Variants in PPEF1 observed in about 807,000 individuals in gnomAD.
PPEF1 encodes protein phosphatase with EF-hand domain 1, also known as serine/threonine-protein phosphatase with EF-hands 1.
A neutral mutation model predicts 53.3 loss-of-function variants in PPEF1; 12 were observed. The observed-to-expected ratio is 0.23, with a 90% CI of 0.14 to 0.36. The LOEUF (loss-of-function observed/expected upper bound fraction) is 0.36, where lower values mean the gene tolerates loss of function less well. Among genes scored for constraint, PPEF1 ranks in the 10% least tolerant of loss-of-function variants. The pLI is 1.00. For synonymous variants in PPEF1, 165 were observed against 176.7 expected, an observed-to-expected ratio of 0.93 and a Z score of 0.52; for missense variants, 334 against 490.4, an observed-to-expected ratio of 0.68 and a Z score of 3.01.
chrX:18,801,983 CAAAAAAAAAA>C (rs1208583667), intron 10 of PPEF1, among the ~76,000 whole-genome samples: 2 of 50,571 alleles, frequency 4.0e-5, no homozygotes, highest in Admixed American at 2.5e-4. Flanking sequence ...GACTCCATCA[CAAAAAAAAAA>C]AAAAGAAAAG....
upstream of PPEF1, among the ~76,000 whole-genome samples, chrX:18,702,737 C>T (rs553484530): frequency 1.8e-5 from 2 of 110,822 alleles, no homozygotes; most frequent in Middle Eastern, 4.7e-3. Flanking sequence ...AACCTTTTAG[C>T]GGAAGGCTTT....
chrX:18,751,122 G>GT (rs1460370647), intron 4 of PPEF1, among the ~76,000 whole-genome samples: 3 of 111,629 alleles, frequency 2.7e-5, no homozygotes, highest in Non-Finnish European at 3.8e-5. Context: ...TCTGTAGGTT[G>GT]TTTTTTCATT....
chrX:18,744,906 G>A (rs2045288123), intron 3 of PPEF1, among the ~76,000 whole-genome samples: 1 of 105,876 alleles, frequency 9.4e-6, no homozygotes, highest in Non-Finnish European at 1.9e-5. Context: ...TCCCCTTTTT[G>A]TAGATATGGA....
At chrX:18,795,630 G>C (rs147174224) in intron 10 of PPEF1, among the ~76,000 whole-genome samples, 6 of 111,332 alleles carry the variant, frequency 5.4e-5, no homozygotes, top group Non-Finnish European at 1.1e-4. Context: ...GAAATTTAGC[G>C]TTTTTCTAAA....
At chrX:18,743,738 C>T (rs757983298) in intron 3 of PPEF1, among the ~76,000 whole-genome samples, 122 of 106,433 alleles carry the variant, frequency 1.1e-3, no homozygotes, top group Non-Finnish European at 2.0e-3. Flanking sequence ...CATGAGCCAC[C>T]GCTCCCGACC....
At chrX:18,803,296 G>A (rs753813833) in intron 10 of PPEF1, among the ~76,000 whole-genome samples, 2 of 113,071 alleles carry the variant, frequency 1.8e-5, no homozygotes, top group African/African-American at 3.2e-5. Context: ...GCCTTTCAGC[G>A]GTTTTCCGCC....
At chrX:18,803,092 G>T (rs770250679) in intron 10 of PPEF1, among the ~76,000 whole-genome samples, 48 of 112,110 alleles carry the variant, frequency 4.3e-4, no homozygotes, top group Non-Finnish European at 7.5e-4. Context: ...CCCAAACACA[G>T]ATTTACCCAC....
upstream of PPEF1, among the ~76,000 whole-genome samples, chrX:18,681,692 T>C (rs1383099879): frequency 8.9e-6 from 1 of 112,010 alleles, no homozygotes; most frequent in African/African-American, 3.2e-5. Context: ...CCATGTAGGA[T>C]TTTGACACCA....
chrX:18,804,972 C>T (rs986747613), intron 11 of PPEF1, among the ~76,000 whole-genome samples: 10 of 110,969 alleles, frequency 9.0e-5, no homozygotes, highest in Non-Finnish European at 1.9e-4. Flanking sequence ...CTGGGATGCA[C>T]CGTTTCTTTT....
intron 5 of PPEF1, among the ~76,000 whole-genome samples, chrX:18,759,291 T>C (rs2045611476): frequency 9.0e-6 from 1 of 111,650 alleles, no homozygotes; most frequent in Admixed American, 9.6e-5. Flanking sequence ...AAAAATTTCA[T>C]GATTATTTAT....
intron 3 of PPEF1, among the ~76,000 whole-genome samples, chrX:18,687,229 C>G (rs1369574054): frequency 9.0e-6 from 1 of 111,225 alleles, no homozygotes; most frequent in Admixed American, 9.7e-5. Flanking sequence ...GGGAGCCTAG[C>G]AAATCAAGTT....
intron 9 of PPEF1, among the ~76,000 whole-genome samples, chrX:18,787,756 CAAA>C (rs11444215): frequency 0.015 from 782 of 52,551 alleles, 5 homozygotes; most frequent in Middle Eastern, 0.029. Context: ...CCCATCTTTA[CAAA>C]AAAAAAAAAA....
intron 4 of PPEF1, among the ~76,000 whole-genome samples, chrX:18,751,412 A>G (rs1833102990): frequency 8.9e-6 from 1 of 112,350 alleles, no homozygotes; most frequent in African/African-American, 3.2e-5. Flanking sequence ...GCATATGGAT[A>G]TGCATTGTCC....
intron 6 of PPEF1, among the ~76,000 whole-genome samples, chrX:18,776,786 G>C (rs1223022422): frequency 9.0e-6 from 1 of 111,218 alleles, no homozygotes; most frequent in East Asian, 2.8e-4. Context: ...CAGGCGTGGT[G>C]GCAGGTGCCT....
intron 3 of PPEF1, among the ~76,000 whole-genome samples, chrX:18,743,418 C>CT (rs1265342119): frequency 2.0e-5 from 2 of 99,019 alleles, no homozygotes; most frequent in Non-Finnish European, 4.0e-5. Context: ...AAGTTGCTCA[C>CT]TTTTTTTCTT....
In PPEF1 at chrX:18,685,510, C is replaced by G. The variant is rs1009080959; in HGVS notation, c.-519-628C>G. On this transcript the variant is annotated intron_variant, in intron 2 of 21. Coordinates refer to the PPEF1 transcript ENST00000361511. Reference sequence around the variant, plus strand: ...ACCATCCTGGCTAACACGGTGAAACCCCATCTCTACTAAAAATACAAAAAA... The same window carrying G: ...ACCATCCTGGCTAACACGGTGAAACGCCATCTCTACTAAAAATACAAAAAA... Among the ~76,000 whole-genome samples the G allele has an allele frequency of 2.7e-5, 3 of 109,673 alleles. No individual in the cohort carries two copies. In the Admixed American group the frequency reaches 2.9e-4, roughly 11 times the overall value.
intron 1 of PPEF1, among the ~76,000 whole-genome samples, chrX:18,723,907 C>T (rs2044646796): frequency 1.8e-5 from 2 of 110,464 alleles, no homozygotes; most frequent in African/African-American, 6.6e-5. Flanking sequence ...GTGCCTCAGC[C>T]TCCCAAGTAG....
chrX:18,825,698 G>T, intron 14 of PPEF1, 53 bp from the exon 15 acceptor site: 1 of 765,188 alleles, frequency 1.3e-6, no homozygotes, highest in Non-Finnish European at 1.9e-6. Flanking sequence ...TGCTAAAAGC[G>T]ATCAGTGTCA....
chrX:18,686,025 T>C lies in PPEF1; in HGVS notation c.-519-113T>C, dbSNP rs138682572. 2.8e-4 allele frequency: 31 copies of C among 112,293 alleles called. 1 individual carries two copies. The East Asian group carries it at 8.0e-3, about 29-fold the overall frequency. The allele number at this position is 112,293 out of a possible 1,213,427, so 9.3% of individuals were successfully genotyped here. On this transcript the variant is annotated intron_variant, in intron 2 of 21. Transcript: ENST00000361511. ...AAAAGGTGATTGTGATGTGAACTTATATGGTGCTGGATTATAGATTTTACT... is the reference window on the plus strand; with the variant it reads ...AAAAGGTGATTGTGATGTGAACTTACATGGTGCTGGATTATAGATTTTACT...
Sources: gnomAD v4.1 joint callset for allele counts (sites outside exome capture counted in the v4.1 genomes callset) on GRCh38, gnomAD v4.1.1 for gene constraint, MANE v1.5 for transcripts, NCBI Gene and HGNC (gene_info 2026-07-23, HGNC 2026-07-21) for gene names.